The following KCNIP1 variants were observed in gnomAD, a reference collection of about 807,000 sequenced individuals.
KCNIP1 encodes the protein A-type potassium channel modulatory protein KCNIP1.
A neutral mutation model predicts 33.0 loss-of-function variants in KCNIP1; 18 were observed. That is an observed-to-expected ratio of 0.55 (90% CI 0.38 to 0.81). KCNIP1 has a LOEUF of 0.81. KCNIP1 is among the 30% of genes least tolerant of loss of function. The probability of loss-of-function intolerance (pLI) is 0.00; values close to 1 mark genes in which losing one functional copy is unlikely to be tolerated. For synonymous variants in KCNIP1, 93 were observed against 98.3 expected (o/e 0.95, Z 0.32); for missense variants, 238 against 271.6 (o/e 0.88, Z 0.87).
chr5:170,380,426 A>C (rs997013436), intron 1 of KCNIP1, among the ~76,000 whole-genome samples: 1 of 152,246 alleles, frequency 6.6e-6, no homozygotes, highest in African/African-American at 2.4e-5. Context: ...CCCAAATGGC[A>C]GGTGTTGAGC....
chr5:170,708,496 C>T (rs1561776648), intron 1 of KCNIP1, among the ~76,000 whole-genome samples: 1 of 152,234 alleles, frequency 6.6e-6, no homozygotes, highest in Non-Finnish European at 1.5e-5. Context: ...CCCCTGGGTA[C>T]AGCTTGAACA....
In KCNIP1 at chr5:170,461,818, C is replaced by G. The variant is rs1299498968; in HGVS notation, c.88+107854C>G. Among the ~76,000 whole-genome samples the G allele has an allele frequency of 2.0e-5, 3 of 150,732 alleles. No individual in the cohort carries two copies. In the South Asian group the frequency reaches 6.3e-4, roughly 32 times the overall value. On this transcript the variant is annotated intron_variant, in intron 1 of 7. Coordinates refer to the KCNIP1 transcript ENST00000377360. The stretch of plus-strand genomic sequence containing the variant: ...ACGCAGAAATAAACCCGAACGCTTA[C>G]AGCAAACTGATCTTTGACAAAGCAA...
chr5:170,714,710 A>T (rs59301467), intron 1 of KCNIP1, among the ~76,000 whole-genome samples: 33,750 of 152,110 alleles, frequency 0.22, 5,124 homozygotes, highest in East Asian at 0.81. Context: ...AAATGAAAAT[A>T]AAAAATTTTT....
chr5:170,718,132 GT>G (rs1319813956), intron 1 of KCNIP1, among the ~76,000 whole-genome samples: 2 of 152,036 alleles, frequency 1.3e-5, no homozygotes, highest in Non-Finnish European at 2.9e-5. Flanking sequence ...TACAACAACT[GT>G]TTTTAGAGCC....
chr5:170,635,856 C>G (rs1760259143), intron 1 of KCNIP1, among the ~76,000 whole-genome samples: 1 of 152,230 alleles, frequency 6.6e-6, no homozygotes, highest in African/African-American at 2.4e-5. Flanking sequence ...GCAGAGAAAA[C>G]AGGCAGGAGG....
At chr5:170,642,536 C>T (rs1041466765) in intron 1 of KCNIP1, among the ~76,000 whole-genome samples, 7 of 152,290 alleles carry the variant, frequency 4.6e-5, no homozygotes, top group East Asian at 1.9e-4. Flanking sequence ...GTTCTGCTTT[C>T]GAAACATCGT....
chr5:170,583,987 G>A (rs2113526319), intron 1 of KCNIP1, among the ~76,000 whole-genome samples: 1 of 152,308 alleles, frequency 6.6e-6, no homozygotes, highest in African/African-American at 2.4e-5. Context: ...ATGGACATTG[G>A]CCTCACTGAG....
chr5:170,390,517 A>AAAAAT, intron 1 of KCNIP1, among the ~76,000 whole-genome samples: 6 of 74,546 alleles, frequency 8.0e-5, no homozygotes, highest in Non-Finnish European at 1.2e-4. Flanking sequence ...AAAAAAAACA[A>AAAAAT]ATATATATAT....
exon 1 of KCNIP1, chr5:170,353,719 C>T (rs568560171): frequency 1.1e-5 from 7 of 652,578 alleles, no homozygotes; most frequent in Non-Finnish European, 1.6e-5. Context: ...GCCAGACTCG[C>T]TGCAGAGGCA....
At chr5:170,682,252 A>T (rs892081806) in intron 1 of KCNIP1, among the ~76,000 whole-genome samples, 7 of 152,186 alleles carry the variant, frequency 4.6e-5, no homozygotes, top group Admixed American at 3.9e-4. Flanking sequence ...GTCATTTTTT[A>T]AAAAATTCTA....
At chr5:170,658,188 A>G (rs1761342703) in intron 1 of KCNIP1, among the ~76,000 whole-genome samples, 1 of 152,240 alleles carries the variant, frequency 6.6e-6, no homozygotes. Flanking sequence ...GTTGCTTAGA[A>G]CACTGAAACT....
intron 1 of KCNIP1, among the ~76,000 whole-genome samples, chr5:170,359,295 A>G (rs1763438472): frequency 1.3e-5 from 2 of 152,192 alleles, no homozygotes; most frequent in Admixed American, 1.3e-4. Context: ...AGTTTTGGAC[A>G]CTAGGCAGGC....
chr5:170,416,283 C>T (rs1008106301), intron 1 of KCNIP1, among the ~76,000 whole-genome samples: 3 of 152,100 alleles, frequency 2.0e-5, no homozygotes, highest in Non-Finnish European at 2.9e-5. Flanking sequence ...AAGGAGGCAA[C>T]GCTATGAGGG....
chr5:170,503,692 G>GAC (rs113237236), upstream of KCNIP1, among the ~76,000 whole-genome samples: 82 of 143,040 alleles, frequency 5.7e-4, no homozygotes, highest in South Asian at 1.3e-3. Context: ...CACACACAGG[G>GAC]ACACACACAC....
intron 1 of KCNIP1, among the ~76,000 whole-genome samples, chr5:170,645,750 A>T (rs557225614): frequency 1.3e-5 from 2 of 152,242 alleles, no homozygotes; most frequent in Non-Finnish European, 2.9e-5. Flanking sequence ...AAAGCAAAAT[A>T]ATAAAAATCA....
chr5:170,539,644 G>T (rs1052890198), intron 1 of KCNIP1, among the ~76,000 whole-genome samples: 3 of 152,138 alleles, frequency 2.0e-5, no homozygotes, highest in Non-Finnish European at 2.9e-5. Flanking sequence ...ACGTGCTGCT[G>T]GTCTGTTATC....
At chr5:170,478,385 G>A (rs1260229408) in intron 1 of KCNIP1, among the ~76,000 whole-genome samples, 4 of 152,214 alleles carry the variant, frequency 2.6e-5, no homozygotes, top group Non-Finnish European at 4.4e-5. Flanking sequence ...ACTATGCAAC[G>A]CTCATGGCTG....
At chr5:170,639,990 A>G (rs781036859) in intron 1 of KCNIP1, among the ~76,000 whole-genome samples, 39 of 152,352 alleles carry the variant, frequency 2.6e-4, no homozygotes, top group Admixed American at 1.5e-3. Flanking sequence ...TGTTCTGCCA[A>G]TATCACCCCA....
At chr5:170,547,914 A>G (rs957812083) in intron 1 of KCNIP1, among the ~76,000 whole-genome samples, 7 of 152,138 alleles carry the variant, frequency 4.6e-5, no homozygotes, top group Non-Finnish European at 8.8e-5. Flanking sequence ...GTCGAATAGT[A>G]TTTCTGTCTC....
Sources: allele counts gnomAD v4.1 joint callset (sites outside exome capture counted in the v4.1 genomes callset), GRCh38; gene constraint gnomAD v4.1.1; transcripts MANE v1.5; gene names NCBI Gene and HGNC (gene_info 2026-07-23, HGNC 2026-07-21).